Variants in SORCS1 observed in about 807,000 individuals in gnomAD.
SORCS1 encodes the protein VPS10 domain-containing receptor SorCS1.
SORCS1 carries 60 observed loss-of-function variants against 146.1 expected under a neutral mutation model. The observed-to-expected ratio is 0.41, with a 90% CI of 0.33 to 0.51. The LOEUF is 0.51. Ranked by LOEUF, SORCS1 falls within the 20% of genes least tolerant of loss-of-function variation. SORCS1 has a pLI of 0.21. For missense variants in SORCS1, 1,352 were observed against 1,487.6 expected, an observed-to-expected ratio of 0.91 and a Z score of 1.50; for synonymous variants, 637 against 584.0, an observed-to-expected ratio of 1.09 and a Z score of -1.31.
rs1219259494 is a variant in SORCS1, at chr10:106,802,884, C to T, written c.727-26192G>A. On this transcript the variant is annotated intron_variant, in intron 3 of 25. Coordinates refer to ENST00000263054, the MANE Select transcript of SORCS1 (RefSeq NM_052918.5). Reference sequence around the variant, plus strand: ...TCCTGACCTCAGATGATCCTCCCGCCTTGGCCTCCCAAAAGGGATTACAGG... The same window carrying T: ...TCCTGACCTCAGATGATCCTCCCGCTTTGGCCTCCCAAAAGGGATTACAGG... Among the ~76,000 whole-genome samples, 4 of 152,228 alleles carry T rather than the reference C, an allele frequency of 2.6e-5. No homozygotes were observed. The East Asian group carries it at 7.7e-4, about 29-fold the overall frequency.
intron 2 of SORCS1, among the ~76,000 whole-genome samples, chr10:106,835,441 C>T (rs987831060): frequency 8.5e-5 from 13 of 152,260 alleles, no homozygotes; most frequent in African/African-American, 2.4e-4. Context: ...AAACCTACAA[C>T]GTGAACCCTC....
At chr10:107,112,518 G>A (rs1375880195) in intron 1 of SORCS1, among the ~76,000 whole-genome samples, 1 of 151,834 alleles carries the variant, frequency 6.6e-6, no homozygotes, top group Non-Finnish European at 1.5e-5. Flanking sequence ...TTAAAAAAAT[G>A]TCAATAGTAA....
intron 1 of SORCS1, among the ~76,000 whole-genome samples, chr10:107,119,223 T>C (rs1384137764): frequency 6.6e-6 from 1 of 152,170 alleles, no homozygotes; most frequent in Non-Finnish European, 1.5e-5. Flanking sequence ...AAAGAATTGG[T>C]AAGGGTTTAG....
chr10:106,933,737 C>G (rs1381558861), intron 2 of SORCS1, among the ~76,000 whole-genome samples: 1 of 152,138 alleles, frequency 6.6e-6, no homozygotes, highest in Admixed American at 6.5e-5. Flanking sequence ...GAGGACTCTA[C>G]AACTTGTAGA....
chr10:107,097,104 G>T (rs1239752663), intron 1 of SORCS1, among the ~76,000 whole-genome samples: 1 of 152,186 alleles, frequency 6.6e-6, no homozygotes, highest in Non-Finnish European at 1.5e-5. Flanking sequence ...CAATTGTGAT[G>T]AATGCAAGGT....
At chr10:106,966,365 GA>G (rs1225600215) in intron 1 of SORCS1, among the ~76,000 whole-genome samples, 14 of 152,156 alleles carry the variant, frequency 9.2e-5, no homozygotes, top group African/African-American at 3.4e-4. Context: ...AAAAATGGTA[GA>G]AACAGTGGAC....
chr10:106,674,221 C>T (rs1295866759), intron 14 of SORCS1, among the ~76,000 whole-genome samples: 6 of 145,760 alleles, frequency 4.1e-5, no homozygotes, highest in Admixed American at 3.5e-4. Flanking sequence ...CCTAGCTACT[C>T]AGGAGGCTAA....
At chr10:107,135,011 G>A (rs1411855761) in intron 1 of SORCS1, among the ~76,000 whole-genome samples, 1 of 152,196 alleles carries the variant, frequency 6.6e-6, no homozygotes, top group East Asian at 1.9e-4. Context: ...ATGTGGGTGA[G>A]GATCTGTCCT....
chr10:107,176,066 T>G, the SORCS1 span, among the ~76,000 whole-genome samples: 1 of 152,216 alleles, frequency 6.6e-6, no homozygotes, highest in East Asian at 1.9e-4. Flanking sequence ...TTGAAACTTT[T>G]TATTCCCCTA....
At chr10:106,981,087 T>A (rs1263582342) in intron 1 of SORCS1, among the ~76,000 whole-genome samples, 2 of 152,100 alleles carry the variant, frequency 1.3e-5, no homozygotes, top group South Asian at 4.2e-4. Context: ...TAGGAATGAC[T>A]CAGAAAGTCT....
chr10:106,973,144 T>C (rs1021592618), intron 1 of SORCS1, among the ~76,000 whole-genome samples: 1 of 152,132 alleles, frequency 6.6e-6, no homozygotes, highest in African/African-American at 2.4e-5. Flanking sequence ...TCTCAAGAAT[T>C]TACAACAAGA....
chr10:106,636,113 A>C (rs1286312887), intron 18 of SORCS1, among the ~76,000 whole-genome samples: 1 of 152,150 alleles, frequency 6.6e-6, no homozygotes, highest in Non-Finnish European at 1.5e-5. Context: ...AGATTGATCT[A>C]GTTGGGTGCA....
chr10:106,995,313 CA>C lies in SORCS1; in HGVS notation c.559-38734del, dbSNP rs369510454. On this transcript the variant is annotated intron_variant, in intron 1 of 25. Transcript: ENST00000263054. ...TGGGAGACAGAGCGAGACTCCATCTCAAAAAAAAAAAAAAAGTAAGAACAGG... is the reference window on the plus strand; with the variant it reads ...TGGGAGACAGAGCGAGACTCCATCTCAAAAAAAAAAAAAAGTAAGAACAGG... Among the ~76,000 whole-genome samples the C allele has an allele frequency of 5.1e-3, 608 of 118,216 alleles. 3 individuals carry two copies. The highest frequency in any genetic ancestry group is 7.2e-3 in the Admixed American group (78 of 10,838). 77.6% of individuals were successfully genotyped at this position (118,216 alleles called of 152,430 possible).
At chr10:106,978,699 G>A (rs1331687526) in intron 1 of SORCS1, among the ~76,000 whole-genome samples, 2 of 151,950 alleles carry the variant, frequency 1.3e-5, no homozygotes, top group East Asian at 1.9e-4. Context: ...TCAGGAGGCT[G>A]AGGCAGGAGA....
chr10:106,940,520 C>CAG (rs768358050), intron 2 of SORCS1, among the ~76,000 whole-genome samples: 4 of 152,176 alleles, frequency 2.6e-5, no homozygotes, highest in Non-Finnish European at 5.9e-5. Context: ...ATATGTAAAA[C>CAG]AGAGCACATG....
rs544927208 is a variant in SORCS1, at chr10:106,686,235, C to T, written c.1560+1957G>A. Among the ~76,000 whole-genome samples the T allele has an allele frequency of 6.3e-4, 96 of 152,106 alleles. 1 individual carries two copies. The highest frequency in any genetic ancestry group is 2.3e-3 in the African/African-American group (95 of 41,484). On this transcript the variant is annotated intron_variant, in intron 10 of 25. Coordinates refer to ENST00000263054, the MANE Select transcript of SORCS1 (RefSeq NM_052918.5). ...AATGCTGGCTTGGATTAGGGCAGTC[C>T]CAGTGGTGATGGGGAAGTAAGCTGA...
chr10:106,745,841 G>T (rs1004840378), intron 5 of SORCS1, among the ~76,000 whole-genome samples: 1 of 152,188 alleles, frequency 6.6e-6, no homozygotes, highest in African/African-American at 2.4e-5. Flanking sequence ...TTCACCAAGT[G>T]ATCAAAGTTA....
intron 20 of SORCS1, among the ~76,000 whole-genome samples, chr10:106,619,560 C>G (rs1442561009): frequency 6.6e-6 from 1 of 152,202 alleles, no homozygotes; most frequent in Admixed American, 6.5e-5. Flanking sequence ...GGGGCCTCAG[C>G]TCTATTGCCT....
intron 1 of SORCS1, among the ~76,000 whole-genome samples, chr10:107,025,976 T>TTC (rs1259582323): frequency 3.3e-5 from 5 of 152,154 alleles, no homozygotes; most frequent in Non-Finnish European, 7.3e-5. Context: ...TCAGCCTCCC[T>TTC]TCACACAACA....
Sources: gnomAD v4.1 joint callset for allele counts (sites outside exome capture counted in the v4.1 genomes callset) on GRCh38, gnomAD v4.1.1 for gene constraint, MANE v1.5 for transcripts, NCBI Gene and HGNC (gene_info 2026-07-23, HGNC 2026-07-21) for gene names.